The following PRDM1 variants were observed in gnomAD, a reference collection of about 807,000 sequenced individuals.
The protein encoded by PRDM1 is PR domain zinc finger protein 1.
In PRDM1, 13 loss-of-function variants were observed where a neutral mutation model predicts 62.8. The observed-to-expected ratio is 0.21, with a 90% confidence interval of 0.13 to 0.33. The LOEUF (loss-of-function observed/expected upper bound fraction) is 0.33. PRDM1 is among the 10% of genes least tolerant of loss of function. The probability of loss-of-function intolerance (pLI) is 1.00; values close to 1 mark genes in which losing one functional copy is unlikely to be tolerated. For synonymous variants in PRDM1, 396 were observed against 417.6 expected, an observed-to-expected ratio of 0.95 and a Z score of 0.63; for missense variants, 895 against 1,058.8, an observed-to-expected ratio of 0.85 and a Z score of 2.15.
At position 106,086,492 on chromosome 6, in the gene PRDM1, C is replaced by T; in HGVS notation, c.-62C>T. ...CGCCGAGGTGCGCGTCTGTGCGGCT[C>T]AGCCTGGCGGGGGACGCGGGGAGAA... On this transcript the variant is annotated 5_prime_UTR_variant, in exon 1 of 7. Transcript: ENST00000369096. 2 of 1,502,250 alleles carry T rather than the reference C, an allele frequency of 1.3e-6. No homozygotes were observed. The highest frequency in any genetic ancestry group is 2.4e-5 in the South Asian group (2 of 81,898). 93.1% of individuals were successfully genotyped at this position (1,502,250 alleles called of 1,614,324 possible).
chr6:106,057,965 C>T (rs1773289917), intron 1 of PRDM1, among the ~76,000 whole-genome samples: 1 of 152,132 alleles, frequency 6.6e-6, no homozygotes, highest in African/African-American at 2.4e-5. Context: ...GAATTTGTGC[C>T]GGTTTCTCCT....
chr6:106,106,620 G>A lies in PRDM1; in HGVS notation c.1902+121G>A. ...ACCAGATTCTGCGTTGTCCCATCCTGGACTGATGGCACTATGGTCCTTCCC... is the reference window on the plus strand; with the variant it reads ...ACCAGATTCTGCGTTGTCCCATCCTAGACTGATGGCACTATGGTCCTTCCC... On this transcript the variant is annotated intron_variant, in intron 6 of 6. Coordinates refer to ENST00000369096, the MANE Select transcript of PRDM1 (RefSeq NM_001198.4). The surrounding 1 kb of genome is among the most constrained non-coding windows in gnomAD (Gnocchi z 4.4). The A allele has an allele frequency of 2.2e-6, 3 of 1,369,642 alleles. No individual in the cohort carries two copies. Among genetic ancestry groups the A allele is most frequent in the Admixed American group, 2.1e-5 (1 of 47,210 alleles). 84.8% of individuals were successfully genotyped at this position (1,369,642 alleles called of 1,614,324 possible).
upstream of PRDM1, among the ~76,000 whole-genome samples, chr6:106,048,256 G>T (rs1345086484): frequency 6.6e-6 from 1 of 151,648 alleles, no homozygotes; most frequent in Non-Finnish European, 1.5e-5. Flanking sequence ...ACATGGTGGT[G>T]CATACTCATA....
chr6:106,031,603 G>A (rs1278330384), intron 1 of PRDM1, among the ~76,000 whole-genome samples: 1 of 152,206 alleles, frequency 6.6e-6, no homozygotes, highest in Admixed American at 6.5e-5. Flanking sequence ...TGAAATTGAG[G>A]TTGTGGAAAC....
chr6:106,107,324 G>C lies in PRDM1; in HGVS notation c.2316G>C (p.Leu772=), dbSNP rs1774522770. ...GAAAAGAGAAAGAAGAAACTGGCCTGAAAGTGTCTTTGCAAAGAAACATGG... is the reference window on the plus strand; with the variant it reads ...GAAAAGAGAAAGAAGAAACTGGCCTCAAAGTGTCTTTGCAAAGAAACATGG... The part of the protein sequence containing the change: ...VVRKEKEETG[L]KVSLQRNMGN... Residue 772 remains leucine, a synonymous_variant, in exon 7 of 7, where the codon CTG becomes CTC. Transcript: ENST00000369096. 3.1e-6 allele frequency: 5 copies of C among 1,614,000 alleles called. No individual in the cohort carries two copies. Among genetic ancestry groups the C allele is most frequent in the Middle Eastern group, 1.6e-4 (1 of 6,084 alleles).
At chr6:106,016,189 G>T (rs1334084040) in intron 1 of PRDM1, among the ~76,000 whole-genome samples, 1 of 152,114 alleles carries the variant, frequency 6.6e-6, no homozygotes, top group Non-Finnish European at 1.5e-5. Flanking sequence ...ATATCCCATT[G>T]TGTGTATGGA....
Position 106,104,814 on chromosome 6 carries a change from C to T in PRDM1, c.665-11C>T, listed in dbSNP as rs756936030. 4 of 1,598,538 alleles carry T rather than the reference C, an allele frequency of 2.5e-6. No individual in the cohort carries two copies. Among genetic ancestry groups the T allele is most frequent in the African/African-American group, 1.4e-5 (1 of 73,582 alleles). On this transcript the variant is annotated splice_polypyrimidine_tract_variant and intron_variant, in intron 4 of 6. Transcript: ENST00000369096. ...GCCCTCTGTGTAATCGCCCCTTTTT[C>T]TTTATTTCAGCACAAACACAGAGCA...
intron 2 of PRDM1, among the ~76,000 whole-genome samples, chr6:106,095,195 A>G (rs1474539664): frequency 7.2e-5 from 11 of 152,148 alleles, no homozygotes; most frequent in Non-Finnish European, 1.6e-4. Context: ...CCTCAAGCAC[A>G]CTATGCTTAT....
intron 3 of PRDM1, 37 bp downstream of exon 3, chr6:106,095,771 T>G (rs1337193416): frequency 1.2e-6 from 2 of 1,607,418 alleles, no homozygotes; most frequent in African/African-American, 2.7e-5. Context: ...CATTAAATGT[T>G]AGGAAAAAAT....
intron 1 of PRDM1, among the ~76,000 whole-genome samples, chr6:106,049,352 G>A (rs942289194): frequency 3.9e-5 from 6 of 152,168 alleles, no homozygotes; most frequent in African/African-American, 9.7e-5. Context: ...TGACCAAGTC[G>A]TGTACATTTT....
chr6:106,078,296 ATCT>A (rs921614829), intron 1 of PRDM1: 4 of 152,160 alleles, frequency 2.6e-5, no homozygotes, highest in African/African-American at 7.2e-5. Context: ...TAAGCTCTTA[ATCT>A]TCTCCTGGTG....
Position 106,109,470 on chromosome 6 carries a change from A to G in PRDM1, c.*1984A>G. On this transcript the variant is annotated 3_prime_UTR_variant, in exon 7 of 7. Transcript: ENST00000369096. ...TTCACATCAACTAATGTTCACCTGTAGAAGAGAACAAATTTCGAATAATCC... is the reference window on the plus strand; with the variant it reads ...TTCACATCAACTAATGTTCACCTGTGGAAGAGAACAAATTTCGAATAATCC... 4.3e-6 allele frequency: 1 copy of G among 233,686 alleles called. No homozygotes were observed. The highest frequency in any genetic ancestry group is 8.5e-6 in the Non-Finnish European group (1 of 117,974). The allele number at this position is 233,686 out of a possible 1,614,324, so 14.5% of individuals were successfully genotyped here.
chr6:106,067,711 C>A (rs918554917), intron 1 of PRDM1, among the ~76,000 whole-genome samples: 1 of 151,884 alleles, frequency 6.6e-6, no homozygotes, highest in Non-Finnish European at 1.5e-5. Context: ...TACCAGGGGC[C>A]GGGGAAAGGG....
chr6:106,037,414 C>A (rs1174229364), intron 1 of PRDM1, among the ~76,000 whole-genome samples: 1 of 152,162 alleles, frequency 6.6e-6, no homozygotes. Context: ...GGTCAGTTTT[C>A]AGCCACTGTT....
intron 1 of PRDM1, among the ~76,000 whole-genome samples, chr6:106,018,675 T>C (rs780587673): frequency 3.3e-5 from 5 of 152,106 alleles, no homozygotes; most frequent in Non-Finnish European, 7.4e-5. Flanking sequence ...ATATGATTAG[T>C]CTGGGGTTAT....
At chr6:106,009,733 T>C (rs1208247444) in intron 1 of PRDM1, among the ~76,000 whole-genome samples, 3 of 152,146 alleles carry the variant, frequency 2.0e-5, no homozygotes, top group Non-Finnish European at 4.4e-5. Context: ...GAATTTTTTT[T>C]TTGAGATGGA....
chr6:106,069,517 C>A (rs1236570048), intron 1 of PRDM1, among the ~76,000 whole-genome samples: 1 of 152,144 alleles, frequency 6.6e-6, no homozygotes, highest in Non-Finnish European at 1.5e-5. Flanking sequence ...GGAGAGAAAG[C>A]AAACTGGAAT....
At chr6:106,056,099 T>A (rs1306250281) in intron 1 of PRDM1, among the ~76,000 whole-genome samples, 1 of 152,182 alleles carries the variant, frequency 6.6e-6, no homozygotes, top group Non-Finnish European at 1.5e-5. Flanking sequence ...AGGTTAAGAA[T>A]TTCCATCTCA....
intron 1 of PRDM1, among the ~76,000 whole-genome samples, chr6:106,070,561 A>G (rs1449223636): frequency 1.3e-5 from 2 of 150,444 alleles, no homozygotes; most frequent in African/African-American, 4.9e-5. Context: ...CTGTGGATAT[A>G]TTTCTATAAG....
Sources: allele counts gnomAD v4.1 joint callset (sites outside exome capture counted in the v4.1 genomes callset), GRCh38; gene constraint gnomAD v4.1.1; non-coding constraint Gnocchi (gnomAD v3.1); transcripts MANE v1.5; gene names NCBI Gene and HGNC (gene_info 2026-07-23, HGNC 2026-07-21).